Variants in PLA2G12A observed in about 807,000 individuals in gnomAD.
The protein encoded by PLA2G12A is group XIIA secretory phospholipase A2.
In PLA2G12A, 11 loss-of-function variants were observed where a neutral mutation model predicts 16.0. That is an observed-to-expected ratio of 0.69 (90% CI 0.43 to 1.13). PLA2G12A has a LOEUF of 1.13. PLA2G12A is among the 50% of genes most tolerant of loss of function. The probability of loss-of-function intolerance (pLI) is 0.00; values close to 1 mark genes in which losing one functional copy is unlikely to be tolerated. For synonymous variants in PLA2G12A, 77 were observed against 93.8 expected, an observed-to-expected ratio of 0.82 and a Z score of 1.03; for missense variants, 214 against 237.3, an observed-to-expected ratio of 0.90 and a Z score of 0.65.
At position 109,730,010 on chromosome 4, in the gene PLA2G12A, ACGCGCCCGCTCACCTGGACCAG is replaced by A. The variant is rs1208098933; in HGVS notation, c.-223_-202del. 110 of 518,760 alleles carry A rather than the reference ACGCGCCCGCTCACCTGGACCAG, an allele frequency of 2.1e-4. No individual in the cohort carries two copies. The highest frequency in any genetic ancestry group is 2.9e-4 in the Non-Finnish European group (88 of 300,868). The allele number at this position is 518,760 out of a possible 1,614,324, so 32.1% of individuals were successfully genotyped here. Reference sequence around the variant, plus strand: ...TCGGGCAGGCAGCGCCGTCGCGGGGACGCGCCCGCTCACCTGGACCAGCGCGCCCGCTCACCTGGGCCAGCAA... The same window carrying A: ...TCGGGCAGGCAGCGCCGTCGCGGGGACGCGCCCGCTCACCTGGGCCAGCAA... On this transcript the variant is annotated 5_prime_UTR_variant, in exon 1 of 4. Transcript: ENST00000243501.
chr4:109,729,858 G>C lies in PLA2G12A; in HGVS notation c.-49C>G. ...GTCCCCGAGCCGCGGCGCGGGGCGC[G>C]TCCCCACAGAGTCCCCAGGACGCGC... On this transcript the variant is annotated 5_prime_UTR_variant, in exon 1 of 4. Transcript: ENST00000243501. 6.7e-7 allele frequency: 1 copy of C among 1,502,782 alleles called. No homozygotes were observed. The highest frequency in any genetic ancestry group is 2.4e-4 in the Middle Eastern group (1 of 4,200). 93.1% of individuals were successfully genotyped at this position (1,502,782 alleles called of 1,614,324 possible).
rs910108520 is a variant in PLA2G12A at position 109,710,909 on chromosome 4, T to A, written c.*3468A>T. ...TACAGCTCTGTGCTCAGTTTCTCCA[T>A]CTATGAAATAAATACAGCCATATCT... On this transcript the variant is annotated 3_prime_UTR_variant, in exon 4 of 4. Coordinates refer to ENST00000243501, the MANE Select transcript of PLA2G12A (RefSeq NM_030821.5). 2.0e-5 allele frequency: 3 copies of A among 152,204 alleles called. No homozygotes were observed. Among genetic ancestry groups the A allele is most frequent in the African/African-American group, 7.2e-5 (3 of 41,452 alleles). The allele number at this position is 152,204 out of a possible 1,614,324, so 9.4% of individuals were successfully genotyped here.
chr4:109,718,067 A>G (rs1730858965), intron 2 of PLA2G12A, among the ~76,000 whole-genome samples: 2 of 152,204 alleles, frequency 1.3e-5, no homozygotes, highest in Non-Finnish European at 2.9e-5. Flanking sequence ...CTAGGTAAGT[A>G]TGATTTTTGG....
chr4:109,728,010 C>T (rs905798721), intron 1 of PLA2G12A, among the ~76,000 whole-genome samples: 4 of 152,196 alleles, frequency 2.6e-5, no homozygotes, highest in Non-Finnish European at 5.9e-5. Context: ...TCAGAGTCAT[C>T]CTTGACTGGC....
chr4:109,727,154 G>A (rs1352446258), intron 1 of PLA2G12A, among the ~76,000 whole-genome samples: 2 of 151,620 alleles, frequency 1.3e-5, no homozygotes, highest in Non-Finnish European at 2.9e-5. Context: ...GTCTTGCTCT[G>A]TCACCCAGGC....
chr4:109,726,969 T>G (rs950187534), intron 1 of PLA2G12A, among the ~76,000 whole-genome samples: 9 of 151,818 alleles, frequency 5.9e-5, no homozygotes, highest in African/African-American at 1.9e-4. Flanking sequence ...ATCTCTTTCG[T>G]GCAACTAAAA....
rs1723020397 is a variant in PLA2G12A at position 109,729,892 on chromosome 4, G to C, written c.-83C>G. ...GAGTCCCCAGGACGCGCTAGGCAGCGGCGCGGGCCCCGGACTTGGCAGCAG... is the reference window on the plus strand; with the variant it reads ...GAGTCCCCAGGACGCGCTAGGCAGCCGCGCGGGCCCCGGACTTGGCAGCAG... On this transcript the variant is annotated 5_prime_UTR_variant, in exon 1 of 4. Transcript: ENST00000243501. 7.9e-7 allele frequency: 1 copy of C among 1,266,376 alleles called. No homozygotes were observed. 78.4% of individuals were successfully genotyped at this position (1,266,376 alleles called of 1,614,324 possible). A position where few individuals can be genotyped will look rare whatever the true frequency, so the allele number is the denominator to read the frequency against.
At position 109,712,032 on chromosome 4, in the gene PLA2G12A, C is replaced by G. The variant is rs1730741355; in HGVS notation, c.*2345G>C. On this transcript the variant is annotated 3_prime_UTR_variant, in exon 4 of 4. Transcript: ENST00000243501. Reference sequence around the variant, plus strand: ...CTGTCAAGGTTATGAAAAAGAAAGACTGTGGAACTATCACAGACCAGAGGC... The same window carrying G: ...CTGTCAAGGTTATGAAAAAGAAAGAGTGTGGAACTATCACAGACCAGAGGC... 6.6e-6 allele frequency: 1 copy of G among 152,230 alleles called. No individual in the cohort carries two copies. Among genetic ancestry groups the G allele is most frequent in the African/African-American group, 2.4e-5 (1 of 41,442 alleles). The allele number at this position is 152,230 out of a possible 1,614,324, so 9.4% of individuals were successfully genotyped here.
rs1351321186 is a variant in PLA2G12A, at chr4:109,729,738, C to T, written c.72G>A (p.Glu24=). The change falls in exon 1 of 4, where the codon GAG becomes GAA. Residue 24 remains glutamate, a synonymous_variant. Transcript: ENST00000243501. ...LLMAAVVRCQ[E]QAQTTDWRAT... is the part of the protein sequence containing the mutation. ...CTCTCCAGTCGGTGGTCTGGGCCTG[C>T]TCCTGGCACCTGACAACAGCGGCCA... 6.3e-7 allele frequency: 1 copy of T among 1,595,634 alleles called. No homozygotes were observed. The highest frequency in any genetic ancestry group is 8.5e-7 in the Non-Finnish European group (1 of 1,172,052).
At chr4:109,727,070 G>A (rs888842591) in intron 1 of PLA2G12A, among the ~76,000 whole-genome samples, 9 of 151,796 alleles carry the variant, frequency 5.9e-5, no homozygotes, top group African/African-American at 1.9e-4. Flanking sequence ...AGGAAAGGTT[G>A]AATTGTTCCA....
rs1310021806 is a variant in PLA2G12A at position 109,712,111 on chromosome 4, A to AG, written c.*2265dup. 2 of 152,260 alleles carry AG rather than the reference A, an allele frequency of 1.3e-5. No homozygotes were observed. Among genetic ancestry groups the AG allele is most frequent in the Non-Finnish European group, 2.9e-5 (2 of 68,040 alleles). 9.4% of individuals were successfully genotyped at this position (152,260 alleles called of 1,614,324 possible). On this transcript the variant is annotated 3_prime_UTR_variant, in exon 4 of 4. Coordinates refer to ENST00000243501, the MANE Select transcript of PLA2G12A (RefSeq NM_030821.5). ...GGTATCCTAGATTGGATCCTGGAAAAGAAAAATGACATTAATTAAAAAACT... is the reference window on the plus strand; with the variant it reads ...GGTATCCTAGATTGGATCCTGGAAAAGGAAAAATGACATTAATTAAAAAACT...
intron 2 of PLA2G12A, among the ~76,000 whole-genome samples, chr4:109,718,011 TA>T (rs1195312639): frequency 6.6e-6 from 1 of 152,160 alleles, no homozygotes; most frequent in Non-Finnish European, 1.5e-5. Context: ...ACATAAGTTT[TA>T]AAAAAAGAAA....
chr4:109,717,024 G>A (rs1370717118), intron 3 of PLA2G12A, among the ~76,000 whole-genome samples: 1 of 152,168 alleles, frequency 6.6e-6, no homozygotes, highest in East Asian at 1.9e-4. Flanking sequence ...GCCCCAGAGA[G>A]CTATCTAGTC....
rs1354106275 is a variant in PLA2G12A at position 109,718,708 on chromosome 4, C to A, written c.260G>T (p.Cys87Phe). ...ATGAACACCAAACAGTGGAGAGCCA[C>A]ATCCATTCGGTGGGGAGGGTTTATA... ...YGYKPSPPNGCGSPLFGVHLN... is the reference protein window; with the variant it reads ...YGYKPSPPNGFGSPLFGVHLN... The change falls in exon 2 of 4, where the codon TGT becomes TTT. Residue 87 changes from cysteine (C) to phenylalanine (F), a missense_variant. Coordinates refer to ENST00000243501, the MANE Select transcript of PLA2G12A (RefSeq NM_030821.5). The A allele has an allele frequency of 6.9e-6, 11 of 1,603,252 alleles. No homozygotes were observed. Among genetic ancestry groups the A allele is most frequent in the Non-Finnish European group, 8.5e-6 (10 of 1,173,580 alleles).
At chr4:109,725,555 T>G (rs1722918610) in intron 1 of PLA2G12A, among the ~76,000 whole-genome samples, 1 of 152,206 alleles carries the variant, frequency 6.6e-6, no homozygotes, top group Non-Finnish European at 1.5e-5. Context: ...CCTCTAAAAT[T>G]TGTAAGCGGA....
At chr4:109,721,835 C>T (rs771108969) in intron 1 of PLA2G12A, among the ~76,000 whole-genome samples, 5 of 152,030 alleles carry the variant, frequency 3.3e-5, no homozygotes, top group Admixed American at 6.6e-5. Context: ...TATGTTCTTA[C>T]GTTCTTATAC....
At chr4:109,725,712 T>A (rs1722922775) in intron 1 of PLA2G12A, among the ~76,000 whole-genome samples, 1 of 152,202 alleles carries the variant, frequency 6.6e-6, no homozygotes, top group East Asian at 1.9e-4. Flanking sequence ...GAGACAAAGT[T>A]GATTATTTTC....
intron 1 of PLA2G12A, among the ~76,000 whole-genome samples, chr4:109,728,061 T>C (rs934322712): frequency 2.0e-5 from 3 of 152,242 alleles, no homozygotes; most frequent in Admixed American, 6.5e-5. Context: ...TCCCTCTGTC[T>C]GGAATGCTGT....
At chr4:109,719,886 C>T (rs908568615) in intron 1 of PLA2G12A, among the ~76,000 whole-genome samples, 1 of 151,998 alleles carries the variant, frequency 6.6e-6, no homozygotes, top group African/African-American at 2.4e-5. Flanking sequence ...CGCTAACCTT[C>T]GATTTGTTAA....
Sources: gnomAD v4.1 joint callset for allele counts (sites outside exome capture counted in the v4.1 genomes callset) on GRCh38, gnomAD v4.1.1 for gene constraint, MANE v1.5 for transcripts, NCBI Gene and HGNC (gene_info 2026-07-23, HGNC 2026-07-21) for gene names.